The following RBFOX1 variants were observed in gnomAD, a reference collection of about 807,000 sequenced individuals.
The protein encoded by RBFOX1 is RNA binding protein fox-1 homolog 1.
In RBFOX1, 8 loss-of-function variants were observed where a neutral mutation model predicts 57.7. That is an observed-to-expected ratio of 0.14 (90% CI 0.08 to 0.25). RBFOX1 has a LOEUF of 0.25. Among genes scored for constraint, RBFOX1 ranks in the 10% least tolerant of loss-of-function variants. The probability of loss-of-function intolerance (pLI) is 1.00; values close to 1 mark genes in which losing one functional copy is unlikely to be tolerated. For missense variants in RBFOX1, 611 were observed against 548.5 expected, an observed-to-expected ratio of 1.11 and a Z score of -1.14; for synonymous variants, 326 against 222.4, an observed-to-expected ratio of 1.47 and a Z score of -4.15.
intron 3 of RBFOX1, among the ~76,000 whole-genome samples, chr16:6,727,050 A>AAAACACACACACACACACAC: frequency 7.4e-6 from 1 of 135,872 alleles, no homozygotes; most frequent in East Asian, 2.3e-4. Context: ...ATTTGGACTG[A>AAAACACACACACACACACAC]ACACACACAC....
chr16:6,851,382 C>A (rs933204134), intron 3 of RBFOX1, among the ~76,000 whole-genome samples: 1 of 152,078 alleles, frequency 6.6e-6, no homozygotes, highest in East Asian at 1.9e-4. Flanking sequence ...GATGTTACCC[C>A]TGGAGCAATA....
upstream of RBFOX1, among the ~76,000 whole-genome samples, chr16:6,015,770 A>C (rs570036242): frequency 1.8e-4 from 27 of 152,272 alleles, no homozygotes; most frequent in Middle Eastern, 0.017. Context: ...GCTTTGCCTG[A>C]CCTTCTGCCC....
chr16:7,207,830 A>G (rs1052230806), intron 4 of RBFOX1, among the ~76,000 whole-genome samples: 3 of 152,156 alleles, frequency 2.0e-5, no homozygotes, highest in African/African-American at 7.2e-5. Context: ...ACCATCTATC[A>G]CCAGAGAATA....
rs1488625962 is a variant in RBFOX1, at chr16:6,851,823, A to G, written c.-16+197173A>G. Among the ~76,000 whole-genome samples the G allele has an allele frequency of 2.6e-5, 4 of 152,058 alleles. No individual in the cohort carries two copies. In the South Asian group the frequency reaches 8.3e-4, roughly 31 times the overall value. ...TTCCTCTGGGCATCAAGGCGCAGAC[A>G]TGGATGATGCCCTGTGTGCTTGCAT... On this transcript the variant is annotated intron_variant, in intron 3 of 15. Transcript: ENST00000550418.
At chr16:5,902,414 A>T (rs2058325687) in intron 4 of RBFOX1, among the ~76,000 whole-genome samples, 2 of 151,910 alleles carry the variant, frequency 1.3e-5, no homozygotes, top group Admixed American at 1.3e-4. Flanking sequence ...TAATTAATTT[A>T]TTTTTATTTT....
chr16:7,118,516 C>G (rs146762813), intron 4 of RBFOX1, among the ~76,000 whole-genome samples: 1 of 152,108 alleles, frequency 6.6e-6, no homozygotes, highest in Non-Finnish European at 1.5e-5. Context: ...CAAAGCCAAG[C>G]CTTCCCCACT....
At chr16:6,457,411 T>C (rs2094800245) in intron 2 of RBFOX1, among the ~76,000 whole-genome samples, 1 of 147,624 alleles carries the variant, frequency 6.8e-6, no homozygotes, top group Non-Finnish European at 1.5e-5. Context: ...CTTGTGTTAT[T>C]TTCTGGTGAC....
At chr16:7,139,842 G>A (rs1255053892) in intron 4 of RBFOX1, among the ~76,000 whole-genome samples, 1 of 152,072 alleles carries the variant, frequency 6.6e-6, no homozygotes, top group Non-Finnish European at 1.5e-5. Context: ...ATGTCTTAAG[G>A]AATGAGGAAT....
Position 7,579,460 on chromosome 16 carries a change from A to G in RBFOX1, c.271-317A>G, listed in dbSNP as rs182301003. On this transcript the variant is annotated intron_variant, in intron 5 of 15. Coordinates refer to ENST00000550418, the MANE Select transcript of RBFOX1 (RefSeq NM_018723.4). The stretch of plus-strand genomic sequence containing the variant: ...CCCCTTCCTTTGCTTTTTCTAGCCT[A>G]TAGTGCTTTTCTCTGTCTGCCAACA... Among the ~76,000 whole-genome samples, 257 of 151,974 alleles carry G rather than the reference A, an allele frequency of 1.7e-3. 2 individuals carry two copies. The highest frequency in any genetic ancestry group is 3.3e-3 in the Non-Finnish European group (222 of 67,974).
chr16:6,483,316 G>C (rs1401891490), intron 2 of RBFOX1: 5 of 1,421,252 alleles, frequency 3.5e-6, no homozygotes, highest in East Asian at 2.6e-5. Flanking sequence ...CCGCGCGCTC[G>C]GGGCGTTCTG....
chr16:6,550,455 T>G (rs2096969434), intron 2 of RBFOX1, among the ~76,000 whole-genome samples: 1 of 152,200 alleles, frequency 6.6e-6, no homozygotes, highest in South Asian at 2.1e-4. Context: ...CCTCCCAAAG[T>G]GCTGGGATTA....
chr16:5,469,939 A>C (rs1043716007), intron 2 of RBFOX1, among the ~76,000 whole-genome samples: 1 of 152,178 alleles, frequency 6.6e-6, no homozygotes, highest in South Asian at 2.1e-4. Flanking sequence ...GTCTATTGCA[A>C]AGAGTGTGCC....
At chr16:6,502,240 G>A (rs1224357349) in intron 2 of RBFOX1, among the ~76,000 whole-genome samples, 2 of 152,142 alleles carry the variant, frequency 1.3e-5, no homozygotes, top group Admixed American at 1.3e-4. Flanking sequence ...TAGGGATCTA[G>A]ATCGGCTACA....
At chr16:6,707,890 T>G (rs1236746690) in intron 3 of RBFOX1, among the ~76,000 whole-genome samples, 2 of 152,210 alleles carry the variant, frequency 1.3e-5, no homozygotes, top group African/African-American at 2.4e-5. Context: ...GATGTGCTCC[T>G]CTGTGAGAGA....
At chr16:5,315,475 C>T (rs1567323001) in intron 1 of RBFOX1, among the ~76,000 whole-genome samples, 1 of 152,084 alleles carries the variant, frequency 6.6e-6, no homozygotes, top group Non-Finnish European at 1.5e-5. Flanking sequence ...TGGAGCAGCT[C>T]CCGGGGAACG....
chr16:5,641,014 T>C (rs2048851212), intron 3 of RBFOX1, among the ~76,000 whole-genome samples: 3 of 144,738 alleles, frequency 2.1e-5, no homozygotes, highest in South Asian at 4.4e-4. Flanking sequence ...CACACATACA[T>C]GCACACCATG....
intron 2 of RBFOX1, among the ~76,000 whole-genome samples, chr16:6,607,046 C>T (rs1331057065): frequency 6.6e-6 from 1 of 152,142 alleles, no homozygotes; most frequent in Non-Finnish European, 1.5e-5. Context: ...TAATAATCGC[C>T]AAAAATGGCT....
chr16:7,227,668 G>T (rs554753291), intron 4 of RBFOX1, among the ~76,000 whole-genome samples: 1 of 152,234 alleles, frequency 6.6e-6, no homozygotes, highest in Admixed American at 6.5e-5. Flanking sequence ...GATTTGAGTG[G>T]ATGGGTCCTT....
intron 1 of RBFOX1, among the ~76,000 whole-genome samples, chr16:6,189,200 A>T (rs1402970878): frequency 6.6e-6 from 1 of 152,214 alleles, no homozygotes; most frequent in Admixed American, 6.5e-5. Context: ...ATGCTTTCAT[A>T]GCAAATGTTA....
Sources: gnomAD v4.1 joint callset for allele counts (sites outside exome capture counted in the v4.1 genomes callset) on GRCh38, gnomAD v4.1.1 for gene constraint, MANE v1.5 for transcripts, NCBI Gene and HGNC (gene_info 2026-07-23, HGNC 2026-07-21) for gene names.